CSMD3: variants seen among roughly 807,000 people sequenced by gnomAD.
The protein encoded by CSMD3 is CUB and sushi domain-containing protein 3.
A neutral mutation model predicts 435.2 loss-of-function variants in CSMD3; 177 were observed. The ratio of observed to expected loss-of-function variants is 0.41; its 90% CI spans 0.36 to 0.46. The LOEUF (loss-of-function observed/expected upper bound fraction) is 0.46. Ranked by LOEUF, CSMD3 falls within the 20% of genes least tolerant of loss-of-function variation. The pLI, the probability that CSMD3 is intolerant of heterozygous loss-of-function variation, is 0.34. For missense variants in CSMD3, 4,265 were observed against 4,504.6 expected, an observed-to-expected ratio of 0.95 and a Z score of 1.52; for synonymous variants, 1,656 against 1,520.5, an observed-to-expected ratio of 1.09 and a Z score of -2.07.
intron 13 of CSMD3, among the ~76,000 whole-genome samples, chr8:112,799,598 C>T (rs909435066): frequency 9.2e-5 from 14 of 151,962 alleles, no homozygotes; most frequent in Non-Finnish European, 2.1e-4. Flanking sequence ...TATGACCTCA[C>T]ATGCTTGCAT....
intron 6 of CSMD3, among the ~76,000 whole-genome samples, chr8:112,980,669 AACAC>A (rs1213300127): frequency 6.6e-6 from 1 of 151,452 alleles, no homozygotes; most frequent in Non-Finnish European, 1.5e-5. Flanking sequence ...CTTATAGGAA[AACAC>A]ACCAATAAAT....
chr8:112,595,074 G>A (rs1226491058), intron 22 of CSMD3, among the ~76,000 whole-genome samples: 40 of 151,520 alleles, frequency 2.6e-4, no homozygotes, highest in Non-Finnish European at 4.7e-4. Context: ...TCTGAGCTAC[G>A]GGAGGACATT....
intron 1 of CSMD3, among the ~76,000 whole-genome samples, chr8:113,414,441 C>T (rs80170115): frequency 0.017 from 2,622 of 152,000 alleles, 76 homozygotes; most frequent in African/African-American, 0.06. Context: ...CTCAATGGAA[C>T]GATACAGCCT....
intron 1 of CSMD3, among the ~76,000 whole-genome samples, chr8:113,417,565 T>C (rs1341759762): frequency 6.6e-6 from 1 of 152,028 alleles, no homozygotes; most frequent in African/African-American, 2.4e-5. Context: ...TTTGTGAAGA[T>C]AGGAGTTTAT....
intron 38 of CSMD3, 118 bp downstream of exon 38, chr8:112,380,234 A>C (rs2131232892): frequency 1.7e-6 from 1 of 593,992 alleles, no homozygotes; most frequent in African/African-American, 1.9e-5. Context: ...CTTTCAAGAA[A>C]ATAAGACAAT....
intron 13 of CSMD3, among the ~76,000 whole-genome samples, chr8:112,701,332 T>C (rs1402207339): frequency 6.6e-6 from 1 of 152,162 alleles, no homozygotes; most frequent in Non-Finnish European, 1.5e-5. Context: ...TTAACTCATG[T>C]AATTTTTATT....
chr8:112,646,937 C>T (rs573605347), intron 19 of CSMD3, among the ~76,000 whole-genome samples: 1 of 152,154 alleles, frequency 6.6e-6, no homozygotes, highest in East Asian at 1.9e-4. Flanking sequence ...TTATCAGAAA[C>T]AAGAGCAAAC....
chr8:112,301,779 T>C lies in CSMD3; in HGVS notation c.8440+14A>G. 6.2e-7 allele frequency: 1 copy of C among 1,610,790 alleles called. No individual in the cohort carries two copies. The highest frequency in any genetic ancestry group is 8.5e-7 in the Non-Finnish European group (1 of 1,177,158). ...CAGGGGGAAGTTTGACAAAAACAAA[T>C]TAAAAATCTGTACCTAGGCATCTGG... On this transcript the variant is annotated intron_variant, in intron 53 of 70. Transcript: ENST00000297405.
chr8:112,516,237 T>C (rs1823655113), intron 28 of CSMD3, among the ~76,000 whole-genome samples: 1 of 152,080 alleles, frequency 6.6e-6, no homozygotes, highest in African/African-American at 2.4e-5. Context: ...TCTCCCAAGT[T>C]GCTTACAGTG....
intron 38 of CSMD3, among the ~76,000 whole-genome samples, chr8:112,374,990 T>A (rs2131203383): frequency 6.6e-6 from 1 of 152,306 alleles, no homozygotes; most frequent in Non-Finnish European, 1.5e-5. Flanking sequence ...CGCCATTCAC[T>A]TTGAATAGCC....
chr8:113,282,773 C>T (rs1317305030), intron 2 of CSMD3, among the ~76,000 whole-genome samples: 1 of 151,974 alleles, frequency 6.6e-6, no homozygotes. Context: ...GCCTGCATAA[C>T]CAAAGCAAGA....
intron 12 of CSMD3, among the ~76,000 whole-genome samples, chr8:112,822,391 A>C (rs966459204): frequency 6.6e-6 from 1 of 151,800 alleles, no homozygotes; most frequent in Non-Finnish European, 1.5e-5. Context: ...TGTATTCCTA[A>C]GTATTTTATT....
At chr8:113,018,722 A>T (rs572178279) in intron 6 of CSMD3, 5 of 255,114 alleles carry the variant, frequency 2.0e-5, no homozygotes, top group African/African-American at 9.1e-5. Flanking sequence ...ATTGAGAAAG[A>T]GCGTACATGC....
intron 4 of CSMD3, among the ~76,000 whole-genome samples, chr8:113,116,829 T>C (rs2090845565): frequency 6.6e-6 from 1 of 152,130 alleles, no homozygotes; most frequent in African/African-American, 2.4e-5. Flanking sequence ...GGGGAACTTG[T>C]TGGGAACTGG....
At chr8:112,384,085 C>T (rs1466314114) in intron 36 of CSMD3, among the ~76,000 whole-genome samples, 1 of 147,952 alleles carries the variant, frequency 6.8e-6, no homozygotes, top group African/African-American at 2.7e-5. Context: ...GTCTACAAGC[C>T]TGTAGGACCT....
chr8:113,384,550 G>C (rs2094431433), intron 1 of CSMD3, among the ~76,000 whole-genome samples: 1 of 152,148 alleles, frequency 6.6e-6, no homozygotes, highest in Non-Finnish European at 1.5e-5. Flanking sequence ...GCAAACGTTT[G>C]GGTCTATAGA....
intron 32 of CSMD3, among the ~76,000 whole-genome samples, chr8:112,421,064 G>T (rs963355837): frequency 1.3e-5 from 2 of 151,976 alleles, no homozygotes; most frequent in African/African-American, 4.8e-5. Context: ...AGGTGGAGGG[G>T]TACACCATAT....
chr8:112,743,096 A>G (rs769989795), intron 13 of CSMD3, among the ~76,000 whole-genome samples: 1 of 152,056 alleles, frequency 6.6e-6, no homozygotes, highest in Non-Finnish European at 1.5e-5. Flanking sequence ...CTCTGTGTGT[A>G]CACACATGTG....
chr8:112,743,086 C>CATACACAT (rs2077347302), intron 13 of CSMD3, among the ~76,000 whole-genome samples: 1 of 151,978 alleles, frequency 6.6e-6, no homozygotes, highest in Non-Finnish European at 1.5e-5. Context: ...TCTTAAGTGA[C>CATACACAT]TCTGTGTGTA....
Sources: gnomAD v4.1 joint callset for allele counts (sites outside exome capture counted in the v4.1 genomes callset) on GRCh38, gnomAD v4.1.1 for gene constraint, MANE v1.5 for transcripts, NCBI Gene and HGNC (gene_info 2026-07-23, HGNC 2026-07-21) for gene names.